GAREM1: variants seen among roughly 807,000 people sequenced by gnomAD.
GAREM1 encodes GRB2 associated regulator of MAPK1 subtype 1, also known as GRB2-associated and regulator of MAPK protein 1.
GAREM1 carries 26 observed loss-of-function variants against 71.3 expected under a neutral mutation model. The observed-to-expected ratio is 0.36, with a 90% CI of 0.27 to 0.51. GAREM1 has a LOEUF of 0.51. Ranked by LOEUF, GAREM1 falls within the 20% of genes least tolerant of loss-of-function variation. GAREM1 has a pLI of 0.95. For synonymous variants in GAREM1, 440 were observed against 433.2 expected, an observed-to-expected ratio of 1.02 and a Z score of -0.20; for missense variants, 1,026 against 1,103.1, an observed-to-expected ratio of 0.93 and a Z score of 0.99.
At chr18:32,403,288 T>C (rs1179773247) in intron 1 of GAREM1, among the ~76,000 whole-genome samples, 2 of 152,160 alleles carry the variant, frequency 1.3e-5, no homozygotes, top group Non-Finnish European at 2.9e-5. Context: ...ACTACTTACA[T>C]GCCTTCAACA....
At position 32,287,343 on chromosome 18, in the gene GAREM1, A is replaced by T. The variant is rs1340528736; in HGVS notation, c.1254T>A (p.His418Gln). The T allele has an allele frequency of 1.2e-6, 2 of 1,614,042 alleles. No homozygotes were observed. Among genetic ancestry groups the T allele is most frequent in the South Asian group, 1.1e-5 (1 of 91,082 alleles). ...CAGAGTCCTGATAGGGCAGGATGTC[A>T]TGAGGAAAGGGAGCCCAATCTCCCC... ...DLGGDWAPFP[H>Q]DILPYQDSGD... The change falls in exon 4 of 6, where the codon CAT (histidine) becomes CAA (glutamine). Residue 418 changes from histidine to glutamine, a missense_variant. Physicochemically the swap from His to Gln is conservative, Grantham distance 24 (BLOSUM62 0). Coordinates refer to ENST00000269209, the MANE Select transcript of GAREM1 (RefSeq NM_001242409.2). This position sits in a 1 kb window ranked among gnomAD's most constrained non-coding sequence, Gnocchi z 5.9.
chr18:32,303,219 C>A (rs2047217448), intron 3 of GAREM1, among the ~76,000 whole-genome samples: 1 of 152,098 alleles, frequency 6.6e-6, no homozygotes, highest in African/African-American at 2.4e-5. Context: ...ATTATAGCAT[C>A]CAGATTAGGG....
intron 1 of GAREM1, among the ~76,000 whole-genome samples, chr18:32,447,392 T>C (rs1006359955): frequency 1.3e-5 from 2 of 152,180 alleles, no homozygotes; most frequent in Non-Finnish European, 2.9e-5. Flanking sequence ...AAAAGCTTAT[T>C]AACAAAACCA....
chr18:32,300,167 T>C (rs2047185525), intron 3 of GAREM1, among the ~76,000 whole-genome samples: 1 of 152,196 alleles, frequency 6.6e-6, no homozygotes, highest in South Asian at 2.1e-4. Flanking sequence ...ACTGGCTAGC[T>C]AGAACTACTC....
chr18:32,293,303 G>A (rs887210024), intron 3 of GAREM1, among the ~76,000 whole-genome samples: 1 of 152,128 alleles, frequency 6.6e-6, no homozygotes, highest in Non-Finnish European at 1.5e-5. Context: ...TACAAGGTGT[G>A]CTTGGAACAT....
chr18:32,408,297 A>G (rs2048384746), intron 1 of GAREM1, among the ~76,000 whole-genome samples: 1 of 152,158 alleles, frequency 6.6e-6, no homozygotes, highest in South Asian at 2.1e-4. Flanking sequence ...ACTTGTGTCT[A>G]TTTACAAAAA....
intron 4 of GAREM1, among the ~76,000 whole-genome samples, chr18:32,278,755 T>C (rs1406085947): frequency 2.2e-5 from 2 of 89,292 alleles, no homozygotes; most frequent in Non-Finnish European, 4.6e-5. Context: ...ATATTTTCAG[T>C]CAAACAGAAA....
chr18:32,275,094 A>G (rs1489993851), intron 4 of GAREM1, among the ~76,000 whole-genome samples: 1 of 152,120 alleles, frequency 6.6e-6, no homozygotes, highest in Non-Finnish European at 1.5e-5. Flanking sequence ...ATCTAGGGGA[A>G]AAAAAGGCAC....
intron 2 of GAREM1, among the ~76,000 whole-genome samples, chr18:32,323,797 T>C (rs2047451305): frequency 6.6e-6 from 1 of 152,200 alleles, no homozygotes; most frequent in Non-Finnish European, 1.5e-5. Flanking sequence ...TATAAAATGA[T>C]TCATTTTTTA....
In GAREM1 at chr18:32,266,523, A is replaced by G. The variant is rs1399642044; in HGVS notation, c.*1348T>C. The stretch of plus-strand genomic sequence containing the variant: ...AGATGTATATTCTCTAAAAAAGTCA[A>G]GAATAATGACGCCATTATATTTTGG... On this transcript the variant is annotated 3_prime_UTR_variant, in exon 6 of 6. Coordinates refer to ENST00000269209, the MANE Select transcript of GAREM1 (RefSeq NM_001242409.2). 6.6e-6 allele frequency: 1 copy of G among 152,226 alleles called. No individual in the cohort carries two copies. The highest frequency in any genetic ancestry group is 2.4e-5 in the African/African-American group (1 of 41,452). The allele number at this position is 152,226 out of a possible 1,614,324, so 9.4% of individuals were successfully genotyped here.
chr18:32,270,236 A>T lies in GAREM1; in HGVS notation c.1714T>A (p.Ser572Thr), dbSNP rs1567941728. 6.2e-7 allele frequency: 1 copy of T among 1,613,964 alleles called. No individual in the cohort carries two copies. Among genetic ancestry groups the T allele is most frequent in the Admixed American group, 1.7e-5 (1 of 59,980 alleles). Residue 572 changes from serine to threonine, a missense_variant, in exon 5 of 6, where the codon TCT becomes ACT. This residue lies in a region of GAREM1 where 636 missense variants were observed against 631.2 expected (regional missense o/e 1.01). Coordinates refer to ENST00000269209, the MANE Select transcript of GAREM1 (RefSeq NM_001242409.2). ...RSPSPTLSYY[S>T]SGLHNISVTK... ...ACTTACATGTTGTGTAGCCCTGAAG[A>T]ATAGTAGGACAAGGTGGGGCTGGGA...
At chr18:32,283,707 G>T (rs2046978467) in intron 4 of GAREM1, among the ~76,000 whole-genome samples, 1 of 152,160 alleles carries the variant, frequency 6.6e-6, no homozygotes, top group East Asian at 1.9e-4. Flanking sequence ...CAAAATACAT[G>T]AATGGGATTA....
intron 2 of GAREM1, among the ~76,000 whole-genome samples, chr18:32,348,288 C>T (rs980646289): frequency 5.3e-5 from 8 of 152,156 alleles, no homozygotes; most frequent in African/African-American, 1.9e-4. Flanking sequence ...TTTTGGCTGG[C>T]ACCCATCTCA....
intron 1 of GAREM1, among the ~76,000 whole-genome samples, chr18:32,400,540 A>C (rs551871139): frequency 5.3e-5 from 8 of 152,362 alleles, no homozygotes; most frequent in Non-Finnish European, 8.8e-5. Flanking sequence ...TCTCAAAAGA[A>C]GACATTTATG....
intron 1 of GAREM1, among the ~76,000 whole-genome samples, chr18:32,468,473 T>C (rs533834374): frequency 5.3e-5 from 8 of 152,338 alleles, no homozygotes; most frequent in Non-Finnish European, 1.0e-4. Flanking sequence ...AAGAGAAATT[T>C]ACAATGAAGA....
At chr18:32,398,166 T>C (rs184688840) in intron 1 of GAREM1, among the ~76,000 whole-genome samples, 161 of 152,222 alleles carry the variant, frequency 1.1e-3, no homozygotes, top group African/African-American at 3.6e-3. Context: ...TTTAAAGCAG[T>C]GTGTAGAGGG....
rs936808796 is a variant in GAREM1 at position 32,266,163 on chromosome 18, T to C, written c.*1708A>G. 4 of 151,790 alleles carry C rather than the reference T, an allele frequency of 2.6e-5. No individual in the cohort carries two copies. The highest frequency in any genetic ancestry group is 6.6e-5 in the Admixed American group (1 of 15,230). 9.4% of individuals were successfully genotyped at this position (151,790 alleles called of 1,614,324 possible). A position where few individuals can be genotyped will look rare whatever the true frequency, so the allele number is the denominator to read the frequency against. ...GATAAAGGAGATCTAAGATGGAAAA[T>C]TGGGTATCAATTCACTTCAACTCTA... On this transcript the variant is annotated 3_prime_UTR_variant, in exon 6 of 6. Transcript: ENST00000269209.
chr18:32,457,993 C>T (rs1040205562), intron 1 of GAREM1, among the ~76,000 whole-genome samples: 2 of 152,066 alleles, frequency 1.3e-5, no homozygotes, highest in African/African-American at 2.4e-5. Flanking sequence ...CAAACTATCA[C>T]ATGTGCTTCT....
intron 2 of GAREM1, among the ~76,000 whole-genome samples, chr18:32,337,028 G>A (rs891437025): frequency 6.6e-6 from 1 of 152,220 alleles, no homozygotes; most frequent in Admixed American, 6.5e-5. Context: ...CCATTCCTCT[G>A]TTTTTGCTTA....
Sources: gnomAD v4.1 joint callset for allele counts (sites outside exome capture counted in the v4.1 genomes callset) on GRCh38, gnomAD v4.1.1 for gene constraint, gnomAD v4.1.1 regional missense constraint, Gnocchi (gnomAD v3.1) non-coding constraint, MANE v1.5 for transcripts, NCBI Gene and HGNC (gene_info 2026-07-23, HGNC 2026-07-21) for gene names.